Variants in PRKG1 observed in about 807,000 individuals in gnomAD.
The protein encoded by PRKG1 is protein kinase cGMP-dependent 1, also known as cGMP-dependent protein kinase 1.
PRKG1 carries 35 observed loss-of-function variants against 88.1 expected under a neutral mutation model. That is an observed-to-expected ratio of 0.40 (90% CI 0.30 to 0.53). PRKG1 has a LOEUF of 0.53. Among genes scored for constraint, PRKG1 ranks in the 20% least tolerant of loss-of-function variants. The pLI, the probability that PRKG1 is intolerant of heterozygous loss-of-function variation, is 0.59. For synonymous variants in PRKG1, 303 were observed against 292.5 expected (o/e 1.04, Z -0.37); for missense variants, 540 against 839.8 (o/e 0.64, Z 4.41).
intron 1 of PRKG1, among the ~76,000 whole-genome samples, chr10:51,128,335 G>T (rs1845483027): frequency 6.6e-6 from 1 of 152,124 alleles, no homozygotes; most frequent in African/African-American, 2.4e-5. Flanking sequence ...GATTCCATAT[G>T]CACGGAATTC....
At chr10:52,091,645 G>A (rs1847058764) in intron 7 of PRKG1, among the ~76,000 whole-genome samples, 1 of 152,182 alleles carries the variant, frequency 6.6e-6, no homozygotes, top group Non-Finnish European at 1.5e-5. Context: ...GGGCCATCAT[G>A]TTGGTTTTCA....
At chr10:51,032,358 CT>C (rs955841566) in intron 1 of PRKG1, among the ~76,000 whole-genome samples, 144 of 145,848 alleles carry the variant, frequency 9.9e-4, no homozygotes, top group Admixed American at 1.2e-3. Context: ...CCTCTTTCAT[CT>C]TTTTTTTTTT....
chr10:52,105,624 G>GT (rs1265246417), intron 7 of PRKG1, among the ~76,000 whole-genome samples: 2 of 151,450 alleles, frequency 1.3e-5, no homozygotes, highest in African/African-American at 2.4e-5. Context: ...TACCTTTTTA[G>GT]TTTTTTTTAA....
At chr10:51,080,438 T>TA (rs1844078345) in intron 1 of PRKG1, among the ~76,000 whole-genome samples, 1 of 69,844 alleles carries the variant, frequency 1.4e-5, no homozygotes, top group Non-Finnish European at 2.6e-5. Flanking sequence ...TATGGACACA[T>TA]TTTTTTTTCT....
At chr10:51,270,252 G>C (rs953988034) in intron 2 of PRKG1, among the ~76,000 whole-genome samples, 17 of 152,032 alleles carry the variant, frequency 1.1e-4, no homozygotes, top group Admixed American at 4.6e-4. Context: ...AAATATTTAG[G>C]GTGGCTAAAA....
At chr10:52,134,614 A>G (rs1201654185) in intron 8 of PRKG1, among the ~76,000 whole-genome samples, 1 of 152,170 alleles carries the variant, frequency 6.6e-6, no homozygotes, top group Non-Finnish European at 1.5e-5. Flanking sequence ...CTTGTAATGT[A>G]TGTGGATAAA....
chr10:51,963,886 A>T (rs1445761070), intron 5 of PRKG1, among the ~76,000 whole-genome samples: 1 of 152,234 alleles, frequency 6.6e-6, no homozygotes. Context: ...ATGCTGTATT[A>T]GTTTCCTATT....
chr10:51,822,575 G>A (rs544848465), intron 4 of PRKG1, among the ~76,000 whole-genome samples: 2 of 152,212 alleles, frequency 1.3e-5, no homozygotes, highest in South Asian at 2.1e-4. Context: ...GCATACACAC[G>A]TACCATGGGT....
Position 51,911,654 on chromosome 10 carries a change from C to G in PRKG1, c.762+4084C>G, listed in dbSNP as rs969130902. On this transcript the variant is annotated intron_variant, in intron 5 of 17. Coordinates refer to ENST00000373980, the MANE Select transcript of PRKG1 (RefSeq NM_006258.4). The stretch of plus-strand genomic sequence containing the variant: ...CAAAGTAGACATGTAAATACAGTAC[C>G]CAGTACAAACAAAGTGTTTAACTCA... 2.0e-5 allele frequency among the ~76,000 whole-genome samples: 3 copies of G among 152,112 alleles called. No individual in the cohort carries two copies. The South Asian group carries it at 6.2e-4, about 32-fold the overall frequency.
At chr10:51,724,320 A>G (rs940317293) in intron 3 of PRKG1, among the ~76,000 whole-genome samples, 2 of 152,196 alleles carry the variant, frequency 1.3e-5, no homozygotes, top group Non-Finnish European at 2.9e-5. Context: ...ATTATAATGT[A>G]CATAGATGGT....
intron 8 of PRKG1, among the ~76,000 whole-genome samples, chr10:52,151,335 A>G (rs1564491509): frequency 6.6e-6 from 1 of 152,170 alleles, no homozygotes. Context: ...TGCTTTGAGA[A>G]TACCAAAATT....
At position 52,257,398 on chromosome 10, in the gene PRKG1, G is replaced by C. The variant is rs936352253; in HGVS notation, c.1173+5732G>C. 2.9e-4 allele frequency among the ~76,000 whole-genome samples: 40 copies of C among 140,000 alleles called. 4 individuals are homozygous for C. Among genetic ancestry groups the C allele is most frequent in the African/African-American group, 9.9e-4 (40 of 40,516 alleles). 91.8% of individuals were successfully genotyped at this position (140,000 alleles called of 152,430 possible). A position where few individuals can be genotyped will look rare whatever the true frequency, so the allele number is the denominator to read the frequency against. On this transcript the variant is annotated intron_variant, in intron 10 of 17. Transcript: ENST00000373980. ...AGGTGATAAACCCATTGCTCAGTCA[G>C]CAGGGTCTTATTGCGAAAGGTGAGC... is the stretch of plus-strand genomic sequence containing the variant.
At chr10:51,134,395 A>G (rs1438407604) in intron 1 of PRKG1, among the ~76,000 whole-genome samples, 2 of 152,206 alleles carry the variant, frequency 1.3e-5, no homozygotes, top group East Asian at 3.8e-4. Flanking sequence ...TTTTAAAATC[A>G]GATGATCTCT....
At chr10:51,473,607 T>C (rs1217463770) in intron 3 of PRKG1, among the ~76,000 whole-genome samples, 1 of 151,920 alleles carries the variant, frequency 6.6e-6, no homozygotes, top group Non-Finnish European at 1.5e-5. Context: ...GATAAATTAT[T>C]CTCCCTCTCC....
At chr10:51,090,028 T>C (rs1844359474) in intron 1 of PRKG1, among the ~76,000 whole-genome samples, 1 of 152,132 alleles carries the variant, frequency 6.6e-6, no homozygotes, top group Admixed American at 6.5e-5. Context: ...GATAGGAGAA[T>C]GGGTTCTAAT....
In PRKG1 at chr10:52,288,957, A is replaced by G; in HGVS notation, c.1859A>G (p.Asn620Ser). ...CRDNPSERLG[N>S]LKNGVKDIQK... ...GACAATCCATCAGAAAGATTAGGGA[A>G]TTTGAAAAATGGAGTAAAAGACATT... Residue 620 changes from asparagine to serine, a missense_variant, in exon 16 of 18, where the codon AAT (asparagine) becomes AGT (serine). Transcript: ENST00000373980. The G allele has an allele frequency of 6.2e-7, 1 of 1,609,980 alleles. No homozygotes were observed. Among genetic ancestry groups the G allele is most frequent in the Non-Finnish European group, 8.5e-7 (1 of 1,177,400 alleles).
intron 2 of PRKG1, among the ~76,000 whole-genome samples, chr10:51,171,692 G>A (rs1371477191): frequency 6.6e-6 from 1 of 152,076 alleles, no homozygotes; most frequent in African/African-American, 2.4e-5. Context: ...TAAAAAATTT[G>A]TGGGGATTTC....
chr10:51,590,354 A>G (rs998436375), intron 3 of PRKG1, among the ~76,000 whole-genome samples: 1 of 152,164 alleles, frequency 6.6e-6, no homozygotes, highest in Non-Finnish European at 1.5e-5. Context: ...TAGGTGGCAT[A>G]TGGGGAACTA....
At chr10:51,371,970 T>C (rs1842714952) in intron 2 of PRKG1, among the ~76,000 whole-genome samples, 1 of 152,132 alleles carries the variant, frequency 6.6e-6, no homozygotes, top group Non-Finnish European at 1.5e-5. Flanking sequence ...CTGTAAGAGT[T>C]TCCTAGGCAA....
Sources: allele counts gnomAD v4.1 joint callset (sites outside exome capture counted in the v4.1 genomes callset), GRCh38; gene constraint gnomAD v4.1.1; transcripts MANE v1.5; gene names NCBI Gene and HGNC (gene_info 2026-07-23, HGNC 2026-07-21).